SGMS1: variants seen among roughly 807,000 people sequenced by gnomAD.
SGMS1 encodes the protein sphingomyelin synthase 1, also known as phosphatidylcholine:ceramide cholinephosphotransferase 1.
A neutral mutation model predicts 46.2 loss-of-function variants in SGMS1; 13 were observed. The ratio of observed to expected loss-of-function variants is 0.28; its 90% CI spans 0.18 to 0.45. The LOEUF (loss-of-function observed/expected upper bound fraction) is 0.45. SGMS1 is among the 20% of genes least tolerant of loss of function. The pLI, the probability that SGMS1 is intolerant of heterozygous loss-of-function variation, is 1.00. For synonymous variants in SGMS1, 203 were observed against 187.8 expected (o/e 1.08, Z -0.66); for missense variants, 324 against 519.9 (o/e 0.62, Z 3.66).
intron 6 of SGMS1, among the ~76,000 whole-genome samples, chr10:50,353,245 C>G (rs1486063433): frequency 6.6e-6 from 1 of 152,290 alleles, no homozygotes; most frequent in Non-Finnish European, 1.5e-5. Context: ...CCACCATGAT[C>G]AAGTGGGATT....
intron 6 of SGMS1, among the ~76,000 whole-genome samples, chr10:50,370,421 T>C (rs1182203874): frequency 6.6e-6 from 1 of 151,580 alleles, no homozygotes; most frequent in Non-Finnish European, 1.5e-5. Flanking sequence ...TTTAATTTTT[T>C]TTTTACTTAA....
intron 5 of SGMS1, among the ~76,000 whole-genome samples, chr10:50,436,812 G>T (rs1370165984): frequency 6.7e-6 from 1 of 149,610 alleles, no homozygotes; most frequent in Non-Finnish European, 1.5e-5. Flanking sequence ...ATGAGACACA[G>T]TTGTTTGATT....
chr10:50,615,311 G>A (rs1254049949), intron 1 of SGMS1, among the ~76,000 whole-genome samples: 1 of 152,246 alleles, frequency 6.6e-6, no homozygotes, highest in Non-Finnish European at 1.5e-5. Context: ...GAGAGGTACA[G>A]GAGGAAGGTG....
intron 6 of SGMS1, among the ~76,000 whole-genome samples, chr10:50,378,044 C>T (rs557624228): frequency 6.6e-6 from 1 of 152,314 alleles, no homozygotes; most frequent in South Asian, 2.1e-4. Context: ...CCAAGATATC[C>T]AAATGCCAGC....
chr10:50,432,643 G>T (rs1315575794), intron 6 of SGMS1, among the ~76,000 whole-genome samples: 1 of 152,188 alleles, frequency 6.6e-6, no homozygotes, highest in Non-Finnish European at 1.5e-5. Flanking sequence ...AAGGCCTATA[G>T]ATTATAAATC....
chr10:50,564,908 A>T (rs575135020), intron 2 of SGMS1, among the ~76,000 whole-genome samples: 1 of 152,250 alleles, frequency 6.6e-6, no homozygotes, highest in South Asian at 2.1e-4. Context: ...CACTGGATGA[A>T]CTTGCCCTAG....
intron 7 of SGMS1, among the ~76,000 whole-genome samples, chr10:50,329,763 CG>C (rs1438637523): frequency 1.3e-5 from 2 of 152,154 alleles, no homozygotes; most frequent in Non-Finnish European, 2.9e-5. Context: ...AAAATCACAA[CG>C]GTGCTCCCCT....
At chr10:50,379,137 C>G (rs1031119880) in intron 6 of SGMS1, among the ~76,000 whole-genome samples, 1 of 152,074 alleles carries the variant, frequency 6.6e-6, no homozygotes, top group African/African-American at 2.4e-5. Context: ...ACATTATTTA[C>G]CAAAATGTAT....
chr10:50,399,164 G>A (rs1848894191), intron 6 of SGMS1, among the ~76,000 whole-genome samples: 1 of 152,138 alleles, frequency 6.6e-6, no homozygotes, highest in Non-Finnish European at 1.5e-5. Context: ...ACCGCAGTAA[G>A]TTGGTTTTTT....
intron 2 of SGMS1, among the ~76,000 whole-genome samples, chr10:50,565,632 C>T (rs1394904529): frequency 6.6e-6 from 1 of 152,220 alleles, no homozygotes; most frequent in African/African-American, 2.4e-5. Flanking sequence ...CACAAGCTGC[C>T]AATTCCTAGG....
Position 50,344,197 on chromosome 10 carries a change from G to T in SGMS1, c.-83C>A. ...TTCCGACAGGGCAGGACACTGTCCT[G>T]CCTCGGCTCGTTCATCCTGTGGGGC... On this transcript the variant is annotated 5_prime_UTR_variant, in exon 7 of 11. Transcript: ENST00000361781. The T allele has an allele frequency of 1.3e-6, 2 of 1,497,002 alleles. No individual in the cohort carries two copies. Among genetic ancestry groups the T allele is most frequent in the Non-Finnish European group, 1.8e-6 (2 of 1,130,458 alleles). 92.7% of individuals were successfully genotyped at this position (1,497,002 alleles called of 1,614,324 possible).
At chr10:50,485,964 A>G (rs1837517910) in intron 3 of SGMS1, among the ~76,000 whole-genome samples, 1 of 152,166 alleles carries the variant, frequency 6.6e-6, no homozygotes, top group Admixed American at 6.5e-5. Flanking sequence ...CAAACTCAAA[A>G]ACAGGCACAT....
At chr10:50,484,070 C>A (rs574651296) in intron 3 of SGMS1, among the ~76,000 whole-genome samples, 69 of 151,774 alleles carry the variant, frequency 4.5e-4, no homozygotes, top group Middle Eastern at 3.4e-3. Flanking sequence ...GATAGAGATG[C>A]AAAAAAACCC....
intron 2 of SGMS1, among the ~76,000 whole-genome samples, chr10:50,536,591 A>T (rs1838004436): frequency 6.6e-6 from 1 of 152,196 alleles, no homozygotes; most frequent in Non-Finnish European, 1.5e-5. Flanking sequence ...AAGCTCTAAG[A>T]GGAAAAACTA....
intron 8 of SGMS1, among the ~76,000 whole-genome samples, chr10:50,311,621 C>T (rs1270106176): frequency 1.3e-5 from 2 of 152,194 alleles, no homozygotes; most frequent in Non-Finnish European, 2.9e-5. Context: ...AATCACGTGG[C>T]TTCAGGACTT....
chr10:50,619,944 C>T (rs1838833622), intron 1 of SGMS1, among the ~76,000 whole-genome samples: 1 of 152,204 alleles, frequency 6.6e-6, no homozygotes, highest in Admixed American at 6.5e-5. Context: ...GTGTCTTTCT[C>T]TTCGCTGTCT....
chr10:50,367,099 C>T (rs1848360277), intron 6 of SGMS1, among the ~76,000 whole-genome samples: 1 of 152,114 alleles, frequency 6.6e-6, no homozygotes, highest in Non-Finnish European at 1.5e-5. Flanking sequence ...CATCTCATGC[C>T]AGTCAGAATG....
intron 3 of SGMS1, among the ~76,000 whole-genome samples, chr10:50,476,187 T>A (rs536860173): frequency 2.9e-5 from 4 of 136,234 alleles, no homozygotes; most frequent in African/African-American, 1.1e-4. Flanking sequence ...GGCAGGAGAG[T>A]CATTTGAACT....
intron 6 of SGMS1, among the ~76,000 whole-genome samples, chr10:50,368,435 C>CA (rs1307334675): frequency 6.6e-6 from 1 of 152,206 alleles, no homozygotes; most frequent in African/African-American, 2.4e-5. Flanking sequence ...TGGCTTACTG[C>CA]AACCCCTGCC....
Sources: allele counts gnomAD v4.1 joint callset (sites outside exome capture counted in the v4.1 genomes callset), GRCh38; gene constraint gnomAD v4.1.1; transcripts MANE v1.5; gene names NCBI Gene and HGNC (gene_info 2026-07-23, HGNC 2026-07-21).